BMP2K: variants seen among roughly 807,000 people sequenced by gnomAD.
BMP2K encodes the protein BMP2 inducible kinase, also known as BMP-2-inducible protein kinase.
BMP2K carries 74 observed loss-of-function variants against 116.0 expected under a neutral mutation model. The ratio of observed to expected loss-of-function variants is 0.64; its 90% confidence interval spans 0.53 to 0.77. BMP2K has a LOEUF of 0.77. Ranked by LOEUF, BMP2K falls within the 30% of genes least tolerant of loss-of-function variation. The pLI, the probability that BMP2K is intolerant of heterozygous loss-of-function variation, is 0.00. For missense variants in BMP2K, 1,365 were observed against 1,403.6 expected (o/e 0.97, Z 0.44); for synonymous variants, 486 against 502.5 (o/e 0.97, Z 0.44).
intron 1 of BMP2K, among the ~76,000 whole-genome samples, chr4:78,798,238 A>C (rs1728395196): frequency 6.6e-6 from 1 of 152,218 alleles, no homozygotes; most frequent in African/African-American, 2.4e-5. Flanking sequence ...CCAGTAAGTC[A>C]GGTCCATAGA....
intron 1 of BMP2K, among the ~76,000 whole-genome samples, chr4:78,810,427 T>A (rs1729030444): frequency 6.6e-6 from 1 of 152,194 alleles, no homozygotes; most frequent in Admixed American, 6.5e-5. Flanking sequence ...AGTTTTTTGG[T>A]CGACCTCTTT....
chr4:78,892,496 A>T lies in BMP2K; in HGVS notation c.2062+5212A>T, dbSNP rs989416581. Reference sequence around the variant, plus strand: ...TTTTATCAAACTTGCTAAGGTATTAATCTCTTTAAAGAACCAACTTTTGAC... The same window carrying T: ...TTTTATCAAACTTGCTAAGGTATTATTCTCTTTAAAGAACCAACTTTTGAC... On this transcript the variant is annotated intron_variant, in intron 15 of 15. Transcript: ENST00000502613. Among the ~76,000 whole-genome samples the T allele has an allele frequency of 5.3e-5, 8 of 152,284 alleles. No individual in the cohort carries two copies. In the South Asian group the frequency reaches 1.4e-3, roughly 28 times the overall value.
intron 3 of BMP2K, among the ~76,000 whole-genome samples, chr4:78,837,216 G>T (rs766848754): frequency 1.3e-5 from 2 of 150,110 alleles, no homozygotes; most frequent in Non-Finnish European, 3.0e-5. Flanking sequence ...TTGAGACGTA[G>T]TCTTGCTCTG....
In BMP2K at chr4:78,912,112, G is replaced by A; in HGVS notation, c.*79G>A. The A allele has an allele frequency of 7.5e-7, 1 of 1,328,294 alleles. No homozygotes were observed. Among genetic ancestry groups the A allele is most frequent in the Admixed American group, 2.2e-5 (1 of 46,230 alleles). The allele number at this position is 1,328,294 out of a possible 1,614,324, so 82.3% of individuals were successfully genotyped here. A position where few individuals can be genotyped will look rare whatever the true frequency, so the allele number is the denominator to read the frequency against. On this transcript the variant is annotated 3_prime_UTR_variant, in exon 16 of 16. Coordinates refer to ENST00000502613, the MANE Select transcript of BMP2K (RefSeq NM_198892.2). ...TTTTATGAATTTGAAAGAAAATTTG[G>A]TAGCTCTTTATAGCATTCATTCTTA... is the stretch of plus-strand genomic sequence containing the variant.
At chr4:78,903,613 A>G (rs1560555476) in intron 15 of BMP2K, among the ~76,000 whole-genome samples, 3 of 151,936 alleles carry the variant, frequency 2.0e-5, no homozygotes, top group Non-Finnish European at 4.4e-5. Flanking sequence ...TTTATCTCTC[A>G]TGGATTTTGT....
At chr4:78,840,316 A>G (rs993357615) in intron 3 of BMP2K, among the ~76,000 whole-genome samples, 1 of 151,978 alleles carries the variant, frequency 6.6e-6, no homozygotes, top group African/African-American at 2.4e-5. Flanking sequence ...TGCAGTTGCA[A>G]GATTTAATAG....
At chr4:78,806,170 C>G (rs1728809230) in intron 1 of BMP2K, among the ~76,000 whole-genome samples, 1 of 151,210 alleles carries the variant, frequency 6.6e-6, no homozygotes, top group Non-Finnish European at 1.5e-5. Flanking sequence ...ATAGGTTTTC[C>G]TATGTATATA....
rs1202634500 is a variant in BMP2K at position 78,865,689 on chromosome 4, T to C, written c.1200T>C (p.Ala400=). 1 of 1,614,056 alleles carries C rather than the reference T, an allele frequency of 6.2e-7. No homozygotes were observed. The highest frequency in any genetic ancestry group is 1.7e-5 in the Admixed American group (1 of 59,996). ...QSSATPVKVL[A]PGEFGNHRPK... ...CAGCAACACCTGTTAAAGTCCTTGCTCCTGGTGAATTCGGTAACCATAGAC... is the reference window on the plus strand; with the variant it reads ...CAGCAACACCTGTTAAAGTCCTTGCCCCTGGTGAATTCGGTAACCATAGAC... Residue 400 remains alanine (A), a synonymous_variant, in exon 10 of 16, where the codon GCT becomes GCC. Coordinates refer to ENST00000502613, the MANE Select transcript of BMP2K (RefSeq NM_198892.2).
chr4:78,837,632 T>C (rs1014869513), intron 3 of BMP2K, among the ~76,000 whole-genome samples: 3 of 152,172 alleles, frequency 2.0e-5, no homozygotes, highest in Non-Finnish European at 2.9e-5. Flanking sequence ...TTTCAGTGTA[T>C]CCATTTTTCT....
chr4:78,889,300 A>G (rs765953626), intron 15 of BMP2K, among the ~76,000 whole-genome samples: 11 of 152,012 alleles, frequency 7.2e-5, no homozygotes, highest in Non-Finnish European at 1.3e-4. Flanking sequence ...GTGAACATAA[A>G]TATTGGACTG....
chr4:78,827,415 T>C lies in BMP2K; in HGVS notation c.297+1260T>C, dbSNP rs559014791. 5.3e-5 allele frequency among the ~76,000 whole-genome samples: 8 copies of C among 152,304 alleles called. No homozygotes were observed. The South Asian group carries it at 8.3e-4, about 16-fold the overall frequency. ...TCTTCCTATCAGGGAATCTCATCCA[T>C]AGCCATTGGTAGTCTCTGTCTGTCT... On this transcript the variant is annotated intron_variant, in intron 2 of 15. Coordinates refer to ENST00000502613, the MANE Select transcript of BMP2K (RefSeq NM_198892.2).
intron 15 of BMP2K, among the ~76,000 whole-genome samples, chr4:78,887,685 CTCTTG>C (rs965539345): frequency 6.0e-4 from 92 of 152,222 alleles, no homozygotes; most frequent in African/African-American, 2.2e-3. Context: ...CTTTGTTTTA[CTCTTG>C]TCTTCTTATA....
intron 15 of BMP2K, 129 bp from the exon 16 acceptor site, chr4:78,910,481 A>G (rs1466134589): frequency 1.3e-6 from 1 of 775,014 alleles, no homozygotes; most frequent in Admixed American, 3.5e-5. Flanking sequence ...AATTGACAAC[A>G]TTATTTTTTC....
chr4:78,810,828 T>TAC (rs398072204), intron 1 of BMP2K, among the ~76,000 whole-genome samples: 11 of 152,000 alleles, frequency 7.2e-5, no homozygotes, highest in African/African-American at 2.2e-4. Context: ...AATAAAAACA[T>TAC]TGTTACAAGG....
At chr4:78,777,014 C>G (rs980446527) in intron 1 of BMP2K, among the ~76,000 whole-genome samples, 3 of 152,100 alleles carry the variant, frequency 2.0e-5, no homozygotes, top group South Asian at 2.1e-4. Context: ...GTTGGTGTTA[C>G]GATTGGGCCA....
At chr4:78,800,077 C>G (rs1728494186) in intron 1 of BMP2K, among the ~76,000 whole-genome samples, 1 of 152,164 alleles carries the variant, frequency 6.6e-6, no homozygotes, top group South Asian at 2.1e-4. Flanking sequence ...TGTTTGTCTT[C>G]AGTAACATCA....
intron 1 of BMP2K, among the ~76,000 whole-genome samples, chr4:78,810,615 G>A (rs1729043492): frequency 6.6e-6 from 1 of 152,160 alleles, no homozygotes; most frequent in Non-Finnish European, 1.5e-5. Flanking sequence ...GTCTAACAGT[G>A]ACAAGTCTTG....
chr4:78,804,937 AT>A (rs201114472), intron 1 of BMP2K, among the ~76,000 whole-genome samples: 1 of 151,940 alleles, frequency 6.6e-6, no homozygotes, highest in East Asian at 1.9e-4. Context: ...TTAATTTATT[AT>A]TTTTTGGTTG....
intron 15 of BMP2K, among the ~76,000 whole-genome samples, chr4:78,909,481 C>T (rs777336710): frequency 9.2e-5 from 14 of 152,034 alleles, no homozygotes; most frequent in Non-Finnish European, 1.2e-4. Context: ...CCTTAGAGGA[C>T]CTTCACAGTC....
Sources: allele counts gnomAD v4.1 joint callset (sites outside exome capture counted in the v4.1 genomes callset), GRCh38; gene constraint gnomAD v4.1.1; transcripts MANE v1.5; gene names NCBI Gene and HGNC (gene_info 2026-07-23, HGNC 2026-07-21).